Variants in NFASC observed in about 807,000 individuals in gnomAD.
The protein encoded by NFASC is neurofascin, also known as neurofascin homolog.
NFASC carries 43 observed loss-of-function variants against 147.5 expected under a neutral mutation model. That is an observed-to-expected ratio of 0.29 (90% confidence interval 0.23 to 0.38). NFASC has a LOEUF of 0.38. Ranked by LOEUF, NFASC falls within the 10% of genes least tolerant of loss-of-function variation. NFASC has a pLI of 1.00. For missense variants in NFASC, 1,320 were observed against 1,689.0 expected (o/e 0.78, Z 3.83); for synonymous variants, 622 against 665.5 (o/e 0.93, Z 1.01).
intron 2 of NFASC, 53 bp downstream of exon 2, chr1:204,920,793 G>T (rs530362458): frequency 2.4e-6 from 2 of 821,810 alleles, no homozygotes; most frequent in Admixed American, 4.7e-5. Flanking sequence ...GAGAATGAGG[G>T]GACATTCTCG....
In NFASC at chr1:204,886,256, C is replaced by T. The variant is rs181224030; in HGVS notation, c.-199-34376C>T. On this transcript the variant is annotated intron_variant, in intron 1 of 29. Coordinates refer to ENST00000339876, the MANE Select transcript of NFASC (RefSeq NM_001005388.3). ...CATCATTAAAACAGCAGGTGGTAGG[C>T]TATTATAACTTTTAAGGACAGCACT... 1.6e-3 allele frequency among the ~76,000 whole-genome samples: 237 copies of T among 152,166 alleles called. 1 individual carries two copies. Among genetic ancestry groups the T allele is most frequent in the Middle Eastern group, 0.014 (4 of 294 alleles).
At chr1:205,009,508 T>A (rs765745699) in intron 27 of NFASC, 49 bp from the exon 28 acceptor site, 1 of 1,601,336 alleles carries the variant, frequency 6.2e-7, no homozygotes, top group Non-Finnish European at 8.6e-7. Context: ...CTCCTCACCA[T>A]CTCCCCCATG....
intron 1 of NFASC, among the ~76,000 whole-genome samples, chr1:204,880,599 G>A (rs12047348): frequency 0.11 from 17,443 of 152,092 alleles, 1,779 homozygotes; most frequent in East Asian, 0.48. Flanking sequence ...TGCTGCACCC[G>A]CCTCAGTCTC....
chr1:204,884,218 A>G (rs891772065), intron 1 of NFASC, among the ~76,000 whole-genome samples: 5 of 152,100 alleles, frequency 3.3e-5, no homozygotes, highest in African/African-American at 9.7e-5. Context: ...GGAACTTTCA[A>G]GCCTCAGGGT....
In NFASC at chr1:205,016,250, CAGG is replaced by C; in HGVS notation, c.3492-54_3492-52del. The C allele has an allele frequency of 8.2e-7, 1 of 1,213,476 alleles. No homozygotes were observed. The highest frequency in any genetic ancestry group is 1.2e-6 in the Non-Finnish European group (1 of 819,184). 75.2% of individuals were successfully genotyped at this position (1,213,476 alleles called of 1,614,324 possible). On this transcript the variant is annotated intron_variant, in intron 29 of 29. Coordinates refer to ENST00000339876, the MANE Select transcript of NFASC (RefSeq NM_001005388.3). This position sits in a 1 kb window ranked among gnomAD's most constrained non-coding sequence, Gnocchi z 5.1. ...CTGAGCTGTGTAGGGCATGTGCTGG[CAGG>C]AGGCCAGCTGCCCCATCTCACCCCA...
At chr1:204,837,996 C>T (rs995728227) in intron 1 of NFASC, among the ~76,000 whole-genome samples, 2 of 152,088 alleles carry the variant, frequency 1.3e-5, no homozygotes, top group African/African-American at 4.8e-5. Context: ...AAATGCACAC[C>T]CTCTATTCAG....
chr1:204,955,015 A>C, intron 7 of NFASC, 64 bp downstream of exon 7: 1 of 1,577,706 alleles, frequency 6.3e-7, no homozygotes, highest in African/African-American at 1.3e-5. Flanking sequence ...TGGGTGTGTT[A>C]AGTGGGGAGG....
intron 24 of NFASC, among the ~76,000 whole-genome samples, chr1:204,992,671 C>T (rs2095761063): frequency 6.6e-6 from 1 of 152,158 alleles, no homozygotes; most frequent in African/African-American, 2.4e-5. Context: ...AAGTCTCTCC[C>T]GTGACGAAGA....
intron 1 of NFASC, among the ~76,000 whole-genome samples, chr1:204,856,666 A>C (rs12239394): frequency 0.1 from 15,908 of 152,002 alleles, 1,403 homozygotes; most frequent in East Asian, 0.45. Context: ...TTGAAAAGTC[A>C]TTCCCCATTC....
Position 205,016,487 on chromosome 1 carries a change from A to C in NFASC, c.3671A>C (p.Asn1224Thr). 6.2e-7 allele frequency: 1 copy of C among 1,614,188 alleles called. No homozygotes were observed. Among genetic ancestry groups the C allele is most frequent in the Non-Finnish European group, 8.5e-7 (1 of 1,180,024 alleles). Reference sequence around the variant, plus strand: ...AAGGACAAGGAGGAAACAGAGGGCAACGAAAGCTCAGAGGCCACGTCACCT... The same window carrying C: ...AAGGACAAGGAGGAAACAGAGGGCACCGAAAGCTCAGAGGCCACGTCACCT... ...VKKDKEETEG[N>T]ESSEATSPVN... is the part of the protein sequence containing the mutation. The change falls in exon 30 of 30, where the codon AAC (asparagine) becomes ACC (threonine). Residue 1224 changes from asparagine (N) to threonine (T), a missense_variant. Transcript: ENST00000339876. This position sits in a 1 kb window ranked among gnomAD's most constrained non-coding sequence, Gnocchi z 5.1.
At chr1:204,927,138 C>T (rs1662597571) in intron 2 of NFASC, among the ~76,000 whole-genome samples, 1 of 152,052 alleles carries the variant, frequency 6.6e-6, no homozygotes, top group African/African-American at 2.4e-5. Context: ...TTTTAGTGCC[C>T]ATAGACTTGA....
At chr1:204,882,399 C>T (rs1339332668) in intron 1 of NFASC, among the ~76,000 whole-genome samples, 2 of 152,116 alleles carry the variant, frequency 1.3e-5, no homozygotes, top group Non-Finnish European at 2.9e-5. Flanking sequence ...TGGGGCCTTT[C>T]CTTTTTCTTC....
chr1:204,946,496 A>G (rs1420231999), intron 3 of NFASC: 1 of 409,762 alleles, frequency 2.4e-6, no homozygotes, highest in African/African-American at 2.0e-5. Flanking sequence ...CACACATGGC[A>G]CCTCCCCGGT....
chr1:204,901,879 C>G (rs1483331380), intron 1 of NFASC, among the ~76,000 whole-genome samples: 1 of 152,042 alleles, frequency 6.6e-6, no homozygotes, highest in Non-Finnish European at 1.5e-5. Flanking sequence ...GAGAAGGTGG[C>G]ACAGAGGGGC....
At chr1:204,909,941 A>G (rs940205994) in intron 1 of NFASC, among the ~76,000 whole-genome samples, 15 of 151,734 alleles carry the variant, frequency 9.9e-5, no homozygotes, top group African/African-American at 2.7e-4. Context: ...CCATTGATCT[A>G]TGTGTCTCTT....
chr1:204,984,070 C>A, intron 21 of NFASC: 1 of 1,614,150 alleles, frequency 6.2e-7, no homozygotes, highest in Admixed American at 1.7e-5. Flanking sequence ...GAGTCATGAA[C>A]AGCACAGCCA....
chr1:204,886,384 C>A (rs1282482094), intron 1 of NFASC, among the ~76,000 whole-genome samples: 1 of 152,108 alleles, frequency 6.6e-6, no homozygotes, highest in Admixed American at 6.6e-5. Flanking sequence ...TATTCCTATT[C>A]ATTTGCTAAT....
Position 204,975,332 on chromosome 1 carries a change from G to T in NFASC, c.1620G>T (p.Gln540His). The T allele has an allele frequency of 6.2e-7, 1 of 1,614,114 alleles. No individual in the cohort carries two copies. ...DQVARRGTTV[Q>H]LECRVKHDPS... Reference sequence around the variant, plus strand: ...TGGCCAGAAGGGGCACCACGGTGCAGCTGGAGTGTCGGGTGAAGCACGACC... The same window carrying T: ...TGGCCAGAAGGGGCACCACGGTGCATCTGGAGTGTCGGGTGAAGCACGACC... Residue 540 changes from glutamine to histidine, a missense_variant, in exon 15 of 30, where the codon CAG becomes CAT. Physicochemically the swap from Gln to His is conservative, Grantham distance 24 (BLOSUM62 0). Transcript: ENST00000339876. The surrounding 1 kb of genome is among the most constrained non-coding windows in gnomAD (Gnocchi z 4.0).
chr1:205,002,539 C>A, intron 26 of NFASC, 57 bp from the exon 27 acceptor site: 1 of 1,367,338 alleles, frequency 7.3e-7, no homozygotes, highest in Non-Finnish European at 9.6e-7. Flanking sequence ...GACCTAAGCA[C>A]TGGCTCTCCA....
Sources: allele counts gnomAD v4.1 joint callset (sites outside exome capture counted in the v4.1 genomes callset), GRCh38; gene constraint gnomAD v4.1.1; non-coding constraint Gnocchi (gnomAD v3.1); transcripts MANE v1.5; gene names NCBI Gene and HGNC (gene_info 2026-07-23, HGNC 2026-07-21).